Variants in CDX1 observed in about 807,000 individuals in gnomAD.
CDX1 encodes homeobox protein CDX-1.
CDX1 carries 9 observed loss-of-function variants against 16.9 expected under a neutral mutation model. That is an observed-to-expected ratio of 0.53 (90% confidence interval 0.32 to 0.93). The LOEUF (loss-of-function observed/expected upper bound fraction) is 0.93, where lower values mean the gene tolerates loss of function less well. Ranked by LOEUF, CDX1 falls within the 40% of genes least tolerant of loss-of-function variation. The probability of loss-of-function intolerance (pLI) is 0.04; values close to 1 mark genes in which losing one functional copy is unlikely to be tolerated. For synonymous variants in CDX1, 179 were observed against 179.0 expected, an observed-to-expected ratio of 1.00 and a Z score of 0.00; for missense variants, 393 against 386.1, an observed-to-expected ratio of 1.02 and a Z score of -0.15.
chr5:150,180,599 T>C (rs1433324610), intron 1 of CDX1, among the ~76,000 whole-genome samples: 1 of 151,882 alleles, frequency 6.6e-6, no homozygotes, highest in Non-Finnish European at 1.5e-5. Flanking sequence ...CCCAAGAAGA[T>C]GAAGGCTGGG....
At chr5:150,172,381 A>G (rs1488229137) in intron 1 of CDX1, among the ~76,000 whole-genome samples, 1 of 151,880 alleles carries the variant, frequency 6.6e-6, no homozygotes, top group Non-Finnish European at 1.5e-5. Flanking sequence ...TGCATGGGTG[A>G]TCTCACTTAA....
rs748673533 is a variant in CDX1 at position 150,183,711 on chromosome 5, T to C, written c.*31T>C. On this transcript the variant is annotated 3_prime_UTR_variant, in exon 3 of 3. Coordinates refer to ENST00000231656, the MANE Select transcript of CDX1 (RefSeq NM_001804.3). Reference sequence around the variant, plus strand: ...TGCCCAGCCTGTGCGCCGGGGGACCTGGGGACTCGGGTGCTGGGAGTGTGG... The same window carrying C: ...TGCCCAGCCTGTGCGCCGGGGGACCCGGGGACTCGGGTGCTGGGAGTGTGG... The C allele has an allele frequency of 2.0e-5, 29 of 1,485,518 alleles. No homozygotes were observed. In the African/African-American group the frequency reaches 3.8e-4, roughly 19 times the overall value. The allele number at this position is 1,485,518 out of a possible 1,614,324, so 92.0% of individuals were successfully genotyped here. A position where few individuals can be genotyped will look rare whatever the true frequency, so the allele number is the denominator to read the frequency against.
intron 1 of CDX1, among the ~76,000 whole-genome samples, chr5:150,182,345 G>A (rs1046889106): frequency 6.6e-6 from 1 of 152,176 alleles, no homozygotes; most frequent in African/African-American, 2.4e-5. Context: ...AACTGGTCAG[G>A]GATGCCCAGA....
Position 150,167,142 on chromosome 5 carries a change from C to T in CDX1, c.266C>T (p.Ser89Leu). 1 of 1,322,416 alleles carries T rather than the reference C, an allele frequency of 7.6e-7. No individual in the cohort carries two copies. Among genetic ancestry groups the T allele is most frequent in the Non-Finnish European group, 9.6e-7 (1 of 1,045,338 alleles). 81.9% of individuals were successfully genotyped at this position (1,322,416 alleles called of 1,614,324 possible). A position where few individuals can be genotyped will look rare whatever the true frequency, so the allele number is the denominator to read the frequency against. ...GCGGCCCCTGCCGCCAGCCCAGCTTCGCTGGCATTCGGGCCCCCTCCAGAC... is the reference window on the plus strand; with the variant it reads ...GCGGCCCCTGCCGCCAGCCCAGCTTTGCTGGCATTCGGGCCCCCTCCAGAC... ...GPAAPAASPA[S>L]LAFGPPPDFS... The change falls in exon 1 of 3, where the codon TCG becomes TTG. Residue 89 changes from serine (S) to leucine (L), a missense_variant. Coordinates refer to ENST00000231656, the MANE Select transcript of CDX1 (RefSeq NM_001804.3).
chr5:150,168,341 C>T (rs1479439258), intron 1 of CDX1, among the ~76,000 whole-genome samples: 3 of 152,254 alleles, frequency 2.0e-5, no homozygotes, highest in African/African-American at 7.2e-5. Flanking sequence ...CCCAGCTTGC[C>T]TCGGGGCAGA....
intron 1 of CDX1, among the ~76,000 whole-genome samples, chr5:150,171,039 T>G (rs1434604222): frequency 6.6e-6 from 1 of 152,116 alleles, no homozygotes; most frequent in Non-Finnish European, 1.5e-5. Flanking sequence ...GGGGAGATGT[T>G]CACGTGGATG....
intron 1 of CDX1, among the ~76,000 whole-genome samples, chr5:150,178,590 GC>G (rs932479467): frequency 6.6e-6 from 1 of 152,162 alleles, no homozygotes; most frequent in African/African-American, 2.4e-5. Context: ...GGGAGTTCCA[GC>G]CCAGAGCTGG....
intron 1 of CDX1, among the ~76,000 whole-genome samples, chr5:150,179,901 C>T (rs1021537293): frequency 2.6e-5 from 4 of 152,204 alleles, no homozygotes; most frequent in Admixed American, 1.3e-4. Context: ...TGGCAGCATG[C>T]GGAATTGTAC....
chr5:150,167,504 C>A (rs575082588), intron 1 of CDX1, among the ~76,000 whole-genome samples, 183 bp downstream of exon 1: 1 of 152,224 alleles, frequency 6.6e-6, no homozygotes, highest in South Asian at 2.1e-4. Flanking sequence ...GCTATCGGAG[C>A]CTTCAGCAGC....
intron 1 of CDX1, among the ~76,000 whole-genome samples, chr5:150,176,956 T>C (rs1218987615): frequency 6.6e-6 from 1 of 151,650 alleles, no homozygotes; most frequent in Non-Finnish European, 1.5e-5. Context: ...CAGGGAGGAG[T>C]CACAAAGGTT....
chr5:150,173,458 G>A (rs1761532112), intron 1 of CDX1, among the ~76,000 whole-genome samples: 1 of 152,136 alleles, frequency 6.6e-6, no homozygotes, highest in Non-Finnish European at 1.5e-5. Context: ...CTCAGGTCTT[G>A]GCTTAAATGT....
At chr5:150,167,791 TCA>T (rs1441042653) in intron 1 of CDX1, among the ~76,000 whole-genome samples, 1 of 152,194 alleles carries the variant, frequency 6.6e-6, no homozygotes, top group African/African-American at 2.4e-5. Flanking sequence ...GGTCTCCCCA[TCA>T]CACAGTCAAG....
rs1562049904 is a variant in CDX1, at chr5:150,166,981, G to A, written c.105G>A (p.Pro35=). Residue 35 remains proline, a synonymous_variant, in exon 1 of 3, where the codon CCG becomes CCA. Coordinates refer to ENST00000231656, the MANE Select transcript of CDX1 (RefSeq NM_001804.3). ...LGPQAYGPPA[P]PPAPPQYPDF... ...CGCAAGCCTACGGCCCCCCGGCCCC[G>A]CCCCCGGCGCCCCCGCAGTACCCCG... 1.4e-6 allele frequency: 2 copies of A among 1,402,838 alleles called. No individual in the cohort carries two copies. The highest frequency in any genetic ancestry group is 1.9e-6 in the Non-Finnish European group (2 of 1,075,464). The allele number at this position is 1,402,838 out of a possible 1,614,324, so 86.9% of individuals were successfully genotyped here.
intron 1 of CDX1, among the ~76,000 whole-genome samples, chr5:150,173,948 TAAA>T (rs1761537478): frequency 6.6e-6 from 1 of 152,184 alleles, no homozygotes; most frequent in Non-Finnish European, 1.5e-5. Context: ...TTTATTGAGT[TAAA>T]GAAGCAGAGG....
At chr5:150,167,785 T>C (rs973289728) in intron 1 of CDX1, among the ~76,000 whole-genome samples, 3 of 152,192 alleles carry the variant, frequency 2.0e-5, no homozygotes, top group Non-Finnish European at 2.9e-5. Context: ...GGGCTGGGTC[T>C]CCCCATCACA....
intron 1 of CDX1, among the ~76,000 whole-genome samples, chr5:150,175,605 G>T (rs930367318): frequency 6.6e-6 from 1 of 152,226 alleles, no homozygotes; most frequent in Non-Finnish European, 1.5e-5. Context: ...TTAGCAGCCG[G>T]GGACTGCCAG....
chr5:150,172,226 A>C (rs983615200), intron 1 of CDX1, among the ~76,000 whole-genome samples: 3 of 152,202 alleles, frequency 2.0e-5, no homozygotes, highest in Non-Finnish European at 4.4e-5. Context: ...TATCCCTGCC[A>C]CTGACCATCT....
At chr5:150,178,385 G>A (rs1017780613) in intron 1 of CDX1, among the ~76,000 whole-genome samples, 2 of 152,192 alleles carry the variant, frequency 1.3e-5, no homozygotes, top group Non-Finnish European at 2.9e-5. Flanking sequence ...ATCTGGCCCA[G>A]AGGATTACTT....
chr5:150,167,291 A>G lies in CDX1; in HGVS notation c.415A>G (p.Ser139Gly). The part of the protein sequence containing the change: ...RPTPYEWMRR[S>G]VAAGGGGGSG... ...GACGCCCTACGAGTGGATGCGGCGC[A>G]GCGTGGCGGCCGGAGGCGGCGGTGG... Residue 139 changes from serine to glycine, a missense_variant, in exon 1 of 3, where the codon AGC becomes GGC. Coordinates refer to ENST00000231656, the MANE Select transcript of CDX1 (RefSeq NM_001804.3). 7.9e-7 allele frequency: 1 copy of G among 1,262,790 alleles called. No individual in the cohort carries two copies. Among genetic ancestry groups the G allele is most frequent in the Non-Finnish European group, 9.9e-7 (1 of 1,009,316 alleles). 78.2% of individuals were successfully genotyped at this position (1,262,790 alleles called of 1,614,324 possible).
Sources: allele counts gnomAD v4.1 joint callset (sites outside exome capture counted in the v4.1 genomes callset), GRCh38; gene constraint gnomAD v4.1.1; transcripts MANE v1.5; gene names NCBI Gene and HGNC (gene_info 2026-07-23, HGNC 2026-07-21).